Variants in STRIT1 observed in about 807,000 individuals in gnomAD.
STRIT1 encodes the protein sarcoplasmic/endoplasmic reticulum calcium ATPase regulator DWORF.
chr3:155,293,539 A>G (rs1715687218), intron 1 of STRIT1, 81 bp downstream of exon 1: 2 of 397,884 alleles, frequency 5.0e-6, no homozygotes, highest in Admixed American at 4.4e-5. Context: ...TGACTGGGAA[A>G]CACCAAGAAA....
At chr3:155,291,902 G>A (rs933877166) in intron 1 of STRIT1, among the ~76,000 whole-genome samples, 18 of 152,082 alleles carry the variant, frequency 1.2e-4, no homozygotes, top group African/African-American at 4.1e-4. Flanking sequence ...TAGAAAGAGC[G>A]CAGAAAAACA....
Position 155,290,933 on chromosome 3 carries a change from C to T in STRIT1, c.*4+7G>A, listed in dbSNP as rs1715620315. The T allele has an allele frequency of 2.5e-6, 1 of 398,364 alleles. No individual in the cohort carries two copies. Among genetic ancestry groups the T allele is most frequent in the Non-Finnish European group, 4.4e-6 (1 of 225,774 alleles). 24.7% of individuals were successfully genotyped at this position (398,364 alleles called of 1,614,324 possible). A position where few individuals can be genotyped will look rare whatever the true frequency, so the allele number is the denominator to read the frequency against. Reference sequence around the variant, plus strand: ...ATAAATAAACATTCAATTATTAAAACCCTTACCTTTCTAAGAGAAGACAAC... The same window carrying T: ...ATAAATAAACATTCAATTATTAAAATCCTTACCTTTCTAAGAGAAGACAAC... On this transcript the variant is annotated splice_region_variant and intron_variant, in intron 2 of 2. Coordinates refer to ENST00000489090, the MANE Select transcript of STRIT1 (RefSeq NM_001352129.2).
At chr3:155,292,919 G>C (rs1372498041) in intron 1 of STRIT1, among the ~76,000 whole-genome samples, 2 of 152,098 alleles carry the variant, frequency 1.3e-5, no homozygotes, top group African/African-American at 4.8e-5. Context: ...CCACTCTTTA[G>C]CGATCATGAA....
Position 155,290,761 on chromosome 3 carries a change from ATTGT to A in STRIT1, c.*86_*89del, listed in dbSNP as rs1411518479. The A allele has an allele frequency of 2.1e-5, 8 of 375,612 alleles. No individual in the cohort carries two copies. The highest frequency in any genetic ancestry group is 4.5e-5 in the Admixed American group (1 of 22,080). The allele number at this position is 375,612 out of a possible 1,614,324, so 23.3% of individuals were successfully genotyped here. A position where few individuals can be genotyped will look rare whatever the true frequency, so the allele number is the denominator to read the frequency against. On this transcript the variant is annotated 3_prime_UTR_variant, in exon 3 of 3. Coordinates refer to ENST00000489090, the MANE Select transcript of STRIT1 (RefSeq NM_001352129.2). Reference sequence around the variant, plus strand: ...TTTGTAAAGTGATGTCAAACATTGCATTGTTTAACATGAGACATTTAATAATCAG... The same window carrying A: ...TTTGTAAAGTGATGTCAAACATTGCATTAACATGAGACATTTAATAATCAG...
rs528806714 is a variant in STRIT1, at chr3:155,293,588, T to G, written c.13+32A>C. The G allele has an allele frequency of 5.4e-4, 217 of 398,346 alleles. 1 individual carries two copies. Among genetic ancestry groups the G allele is most frequent in the African/African-American group, 4.2e-3 (203 of 48,672 alleles). The allele number at this position is 398,346 out of a possible 1,614,324, so 24.7% of individuals were successfully genotyped here. ...AAGTCAAGAAGCCTTTTTTTTTTTT[T>G]TGCCAAGAGAATCCTATGCCTTAAA... is the stretch of plus-strand genomic sequence containing the variant. On this transcript the variant is annotated intron_variant, in intron 1 of 2. Coordinates refer to ENST00000489090, the MANE Select transcript of STRIT1 (RefSeq NM_001352129.2).
intron 1 of STRIT1, 138 bp downstream of exon 1, chr3:155,293,482 C>T (rs1486903567): frequency 2.5e-5 from 10 of 396,006 alleles, no homozygotes; most frequent in Non-Finnish European, 4.5e-5. Flanking sequence ...GCCACACTAA[C>T]ATATATGGTT....
rs757225449 is a variant in STRIT1, at chr3:155,290,644, T to C, written c.*207A>G. ...CATTTTTCATCACAGCTAAACATTT[T>C]TCTCACTCAGAATATAGAGAAATTC... is the stretch of plus-strand genomic sequence containing the variant. On this transcript the variant is annotated 3_prime_UTR_variant, in exon 3 of 3. Coordinates refer to ENST00000489090, the MANE Select transcript of STRIT1 (RefSeq NM_001352129.2). 15 of 209,924 alleles carry C rather than the reference T, an allele frequency of 7.1e-5. No homozygotes were observed. The highest frequency in any genetic ancestry group is 1.2e-4 in the Admixed American group (2 of 17,024). The allele number at this position is 209,924 out of a possible 1,614,324, so 13.0% of individuals were successfully genotyped here. A position where few individuals can be genotyped will look rare whatever the true frequency, so the allele number is the denominator to read the frequency against.
intron 1 of STRIT1, among the ~76,000 whole-genome samples, chr3:155,291,523 G>C (rs980186334): frequency 1.3e-5 from 2 of 152,068 alleles, no homozygotes; most frequent in African/African-American, 4.8e-5. Context: ...ATAACACAAG[G>C]AAAGGTATTG....
At chr3:155,292,030 C>T (rs1046697599) in intron 1 of STRIT1, among the ~76,000 whole-genome samples, 2 of 152,082 alleles carry the variant, frequency 1.3e-5, no homozygotes, top group Non-Finnish European at 2.9e-5. Context: ...AATTATACTC[C>T]TATTACAATT....
At chr3:155,291,253 T>C (rs1715627641) in intron 1 of STRIT1, 1 of 344,352 alleles carries the variant, frequency 2.9e-6, no homozygotes, top group Non-Finnish European at 5.2e-6. Context: ...TTTACTGTTA[T>C]GTGACCTTTG....
intron 1 of STRIT1, chr3:155,291,366 T>G (rs2291358): frequency 0.03 from 5,511 of 185,092 alleles, 221 homozygotes; most frequent in East Asian, 0.13. Context: ...ATAACATATG[T>G]GCAAAGCTTT....
chr3:155,291,122 T>C, intron 1 of STRIT1, 84 bp from the exon 2 acceptor site: 1 of 396,614 alleles, frequency 2.5e-6, no homozygotes, highest in East Asian at 3.6e-5. Flanking sequence ...AGGAATTTGG[T>C]AACATTAAGA....
chr3:155,291,147 C>T (rs1020770459), intron 1 of STRIT1, 109 bp from the exon 2 acceptor site: 7 of 394,444 alleles, frequency 1.8e-5, no homozygotes, highest in Non-Finnish European at 3.1e-5. Context: ...AGCATACACT[C>T]TCTAGTTATA....
chr3:155,291,320 C>T (rs1715629356), intron 1 of STRIT1: 1 of 254,560 alleles, frequency 3.9e-6, no homozygotes, highest in African/African-American at 2.2e-5. Context: ...AACTTGTGCT[C>T]TCTACCTCCT....
chr3:155,292,124 C>T (rs2108434962), intron 1 of STRIT1, among the ~76,000 whole-genome samples: 1 of 152,214 alleles, frequency 6.6e-6, no homozygotes, highest in South Asian at 2.1e-4. Flanking sequence ...AATTAGAAGA[C>T]ACTTTTATAA....
chr3:155,291,101 A>T (rs1715624373), intron 1 of STRIT1, 63 bp from the exon 2 acceptor site: 1 of 397,762 alleles, frequency 2.5e-6, no homozygotes. Flanking sequence ...TTTCTGTGTC[A>T]AGAGAATAAA....
chr3:155,290,981 A>G lies in STRIT1; in HGVS notation c.71T>C (p.Val24Ala), dbSNP rs1715621287. Residue 24 changes from valine (V) to alanine (A), a missense_variant, in exon 2 of 3, where the codon GTG becomes GCG. Coordinates refer to ENST00000489090, the MANE Select transcript of STRIT1 (RefSeq NM_001352129.2). Reference protein sequence around the residue: ...VPILLLIGWIVGCIIMIYVVF... With the variant: ...VPILLLIGWIAGCIIMIYVVF... Reference sequence around the variant, plus strand: ...AACATAAATCATTATGATGCAGCCCACAATCCAGCCAATCAGGAGAAGAAT... The same window carrying G: ...AACATAAATCATTATGATGCAGCCCGCAATCCAGCCAATCAGGAGAAGAAT... The G allele has an allele frequency of 2.5e-6, 1 of 398,618 alleles. No homozygotes were observed. Among genetic ancestry groups the G allele is most frequent in the African/African-American group, 2.1e-5 (1 of 48,602 alleles). The allele number at this position is 398,618 out of a possible 1,614,324, so 24.7% of individuals were successfully genotyped here.
At chr3:155,293,255 C>G (rs1169821401) in intron 1 of STRIT1, among the ~76,000 whole-genome samples, 1 of 152,088 alleles carries the variant, frequency 6.6e-6, no homozygotes, top group South Asian at 2.1e-4. Context: ...GGTATAGGGA[C>G]TTCTGCAAAC....
intron 1 of STRIT1, chr3:155,291,398 T>G (rs1256409899): frequency 6.1e-6 from 1 of 164,404 alleles, no homozygotes; most frequent in Non-Finnish European, 1.3e-5. Context: ...CCACCGTGTG[T>G]GTTTAGTGTA....
Sources: gnomAD v4.1 joint callset for allele counts (sites outside exome capture counted in the v4.1 genomes callset) on GRCh38, gnomAD v4.1.1 for gene constraint, MANE v1.5 for transcripts, NCBI Gene and HGNC (gene_info 2026-07-23, HGNC 2026-07-21) for gene names.